KALRN: variants seen among roughly 807,000 people sequenced by gnomAD.
The protein encoded by KALRN is kalirin RhoGEF kinase, also known as kalirin.
KALRN carries 70 observed loss-of-function variants against 353.7 expected under a neutral mutation model. That is an observed-to-expected ratio of 0.20 (90% CI 0.16 to 0.24). The LOEUF (loss-of-function observed/expected upper bound fraction) is 0.24, where lower values mean the gene tolerates loss of function less well. Ranked by LOEUF, KALRN falls within the 10% of genes least tolerant of loss-of-function variation. The probability of loss-of-function intolerance (pLI) is 1.00; values close to 1 mark genes in which losing one functional copy is unlikely to be tolerated. For missense variants in KALRN, 2,791 were observed against 3,756.7 expected (o/e 0.74, Z 6.72); for synonymous variants, 1,391 against 1,434.8 (o/e 0.97, Z 0.69).
At chr3:124,384,187 A>G (rs2087841302) in intron 10 of KALRN, among the ~76,000 whole-genome samples, 1 of 152,112 alleles carries the variant, frequency 6.6e-6, no homozygotes, top group South Asian at 2.1e-4. Context: ...CTGTGTGTGC[A>G]TGTGTGTGCA....
chr3:124,666,398 G>C (rs928162366), intron 45 of KALRN, 51 bp from the exon 46 acceptor site: 19 of 1,570,280 alleles, frequency 1.2e-5, no homozygotes, highest in Non-Finnish European at 1.7e-5. Context: ...AGAGGGCAGT[G>C]GCTCGCTCCC....
At chr3:124,689,729 A>G (rs1337681508) in intron 51 of KALRN, among the ~76,000 whole-genome samples, 1 of 152,282 alleles carries the variant, frequency 6.6e-6, no homozygotes, top group Non-Finnish European at 1.5e-5. Flanking sequence ...TTCATTCAAC[A>G]AATATTTGAT....
At chr3:124,650,496 T>C (rs2083288420) in intron 37 of KALRN, among the ~76,000 whole-genome samples, 1 of 152,228 alleles carries the variant, frequency 6.6e-6, no homozygotes, top group Non-Finnish European at 1.5e-5. Context: ...ATATTTGGTA[T>C]AGAATTGCGA....
chr3:124,495,961 G>GTATATATATA (rs1247326841), intron 32 of KALRN, among the ~76,000 whole-genome samples: 2,517 of 37,848 alleles, frequency 0.067, 297 homozygotes, highest in Middle Eastern at 0.15. Context: ...GTATGTGTAT[G>GTATATATATA]TATGTATATA....
intron 1 of KALRN, among the ~76,000 whole-genome samples, chr3:124,171,558 G>A (rs185019407): frequency 6.6e-6 from 1 of 152,218 alleles, no homozygotes; most frequent in Admixed American, 6.5e-5. Context: ...TACTGGATTG[G>A]TCAAAGCAAG....
chr3:124,462,530 C>T lies in KALRN; in HGVS notation c.3928C>T (p.Leu1310=), dbSNP rs763575475. The change falls in exon 25 of 60, where the codon CTG becomes TTG. Residue 1310 remains leucine (L), a synonymous_variant. Transcript: ENST00000682506. The stretch of plus-strand genomic sequence containing the variant: ...AACTGTTACTGTCTTACAGACCTAC[C>T]TGTGGGAAATGACCAGTGGTGTGGA... ...RDLHECLETY[L]WEMTSGVEEI... is the part of the protein sequence containing the mutation. The T allele has an allele frequency of 6.3e-7, 1 of 1,598,378 alleles. No individual in the cohort carries two copies. The highest frequency in any genetic ancestry group is 8.6e-7 in the Non-Finnish European group (1 of 1,165,710).
Position 124,546,290 on chromosome 3 carries a change from C to CA in KALRN, c.4936-16530dup, listed in dbSNP as rs5852410. On this transcript the variant is annotated intron_variant, in intron 33 of 59. Transcript: ENST00000682506. ...GCAACATAGTGAGACCCCCATCTCT[C>CA]AAAAAAAAAAAAAAAAAAAAAAATT... 4.6e-3 allele frequency among the ~76,000 whole-genome samples: 523 copies of CA among 114,566 alleles called. 4 individuals carry two copies. Among genetic ancestry groups the CA allele is most frequent in the East Asian group, 0.038 (137 of 3,612 alleles). The allele number at this position is 114,566 out of a possible 152,430, so 75.2% of individuals were successfully genotyped here.
chr3:124,258,917 A>C (rs1209849517), intron 3 of KALRN, among the ~76,000 whole-genome samples: 5 of 152,214 alleles, frequency 3.3e-5, no homozygotes, highest in Non-Finnish European at 7.3e-5. Flanking sequence ...GAACCCACAG[A>C]TATGGAGGGC....
At chr3:124,567,351 T>C (rs772634673) in intron 34 of KALRN, among the ~76,000 whole-genome samples, 7 of 152,162 alleles carry the variant, frequency 4.6e-5, no homozygotes, top group Non-Finnish European at 8.8e-5. Context: ...TCCCAGCACC[T>C]GTTGAGCTTC....
chr3:124,369,516 T>A (rs1185277810), intron 10 of KALRN, among the ~76,000 whole-genome samples: 1 of 152,210 alleles, frequency 6.6e-6, no homozygotes, highest in Non-Finnish European at 1.5e-5. Context: ...TACAACATGT[T>A]GTTTTGAAAT....
chr3:124,333,269 A>G (rs2080788865), intron 8 of KALRN, among the ~76,000 whole-genome samples: 1 of 152,194 alleles, frequency 6.6e-6, no homozygotes, highest in South Asian at 2.1e-4. Context: ...GACACAGACA[A>G]ACCATATCAA....
At chr3:124,353,327 A>C (rs1191326013) in intron 10 of KALRN, among the ~76,000 whole-genome samples, 1 of 152,160 alleles carries the variant, frequency 6.6e-6, no homozygotes, top group African/African-American at 2.4e-5. Flanking sequence ...ACAGAGATGG[A>C]AAGTCTGTGC....
chr3:124,628,521 T>TTTCC (rs1186012537), intron 34 of KALRN, among the ~76,000 whole-genome samples: 7 of 101,934 alleles, frequency 6.9e-5, no homozygotes, highest in South Asian at 3.9e-4. Context: ...CTTCCCTTCC[T>TTTCC]TTCCTTCCTT....
intron 9 of KALRN, among the ~76,000 whole-genome samples, chr3:124,344,862 A>G (rs947473819): frequency 6.6e-6 from 1 of 152,236 alleles, no homozygotes; most frequent in Non-Finnish European, 1.5e-5. Flanking sequence ...ATAAATTGAC[A>G]TTTTAAAGAA....
chr3:124,408,738 G>A (rs1170092849), intron 13 of KALRN, among the ~76,000 whole-genome samples: 1 of 149,380 alleles, frequency 6.7e-6, no homozygotes, highest in Non-Finnish European at 1.5e-5. Flanking sequence ...GGAGGGGCAG[G>A]TGAATTTTGA....
intron 10 of KALRN, among the ~76,000 whole-genome samples, chr3:124,356,357 G>A (rs1490556167): frequency 1.6e-5 from 2 of 125,864 alleles, no homozygotes; most frequent in African/African-American, 5.9e-5. Flanking sequence ...TTTTGAGACA[G>A]AGTTTCTCTC....
chr3:124,638,941 T>A (rs2081685770), intron 37 of KALRN, among the ~76,000 whole-genome samples: 1 of 152,186 alleles, frequency 6.6e-6, no homozygotes, highest in Non-Finnish European at 1.5e-5. Context: ...GCAAAATTAT[T>A]TTCAGTGACA....
At chr3:124,248,031 T>G (rs1354492788) in intron 3 of KALRN, among the ~76,000 whole-genome samples, 2 of 152,242 alleles carry the variant, frequency 1.3e-5, no homozygotes, top group Non-Finnish European at 2.9e-5. Context: ...TTAAAGATTT[T>G]TGAATCTGGA....
At chr3:124,482,770 CCT>C (rs777893131) in intron 27 of KALRN, 36 bp from the exon 28 acceptor site, 2 of 1,351,440 alleles carry the variant, frequency 1.5e-6, no homozygotes, top group South Asian at 1.2e-5. Flanking sequence ...TGCACACACC[CCT>C]CTGTGTCTAA....
Sources: allele counts gnomAD v4.1 joint callset (sites outside exome capture counted in the v4.1 genomes callset), GRCh38; gene constraint gnomAD v4.1.1; transcripts MANE v1.5; gene names NCBI Gene and HGNC (gene_info 2026-07-23, HGNC 2026-07-21).